Variants in CACNA1D observed in about 807,000 individuals in gnomAD.
The protein encoded by CACNA1D is calcium voltage-gated channel subunit alpha1 D, also known as voltage-dependent L-type calcium channel subunit alpha-1D.
A neutral mutation model predicts 257.1 loss-of-function variants in CACNA1D; 55 were observed. That is an observed-to-expected ratio of 0.21 (90% CI 0.17 to 0.27). CACNA1D has a LOEUF of 0.27. Among genes scored for constraint, CACNA1D ranks in the 10% least tolerant of loss-of-function variants. CACNA1D has a pLI of 1.00. For synonymous variants in CACNA1D, 980 were observed against 1,014.9 expected (o/e 0.97, Z 0.65); for missense variants, 1,876 against 2,784.0 (o/e 0.67, Z 7.34).
At position 53,704,665 on chromosome 3, in the gene CACNA1D, G is replaced by A. The variant is rs531019138; in HGVS notation, c.1390+1855G>A. On this transcript the variant is annotated intron_variant, in intron 9 of 47. Coordinates refer to ENST00000350061, the MANE Select transcript of CACNA1D (RefSeq NM_001128840.3). Reference sequence around the variant, plus strand: ...GGTGCAGCTTGGAGATGCCTGCACCGCTCTTTTCCCCTTCACTTGCAAACT... The same window carrying A: ...GGTGCAGCTTGGAGATGCCTGCACCACTCTTTTCCCCTTCACTTGCAAACT... Among the ~76,000 whole-genome samples the A allele has an allele frequency of 3.9e-5, 6 of 152,310 alleles. No individual in the cohort carries two copies. In the East Asian group the frequency reaches 7.7e-4, roughly 20 times the overall value.
Position 53,808,713 on chromosome 3 carries a change from G to T in CACNA1D, c.5814G>T (p.Pro1938=), listed in dbSNP as rs776968811. 2 of 1,609,172 alleles carry T rather than the reference G, an allele frequency of 1.2e-6. No homozygotes were observed. The highest frequency in any genetic ancestry group is 3.3e-5 in the Admixed American group (2 of 60,016). ...LRRQSSQEEV[P]SSPIFPHRTA... ...GGCAGAGCAGCCAGGAAGAGGTCCC[G>T]TCGTCTCCCATCTTCCCCCATCGCA... Residue 1938 remains proline (P), a synonymous_variant, in exon 46 of 48, where the codon CCG becomes CCT. Coordinates refer to ENST00000350061, the MANE Select transcript of CACNA1D (RefSeq NM_001128840.3).
At position 53,810,016 on chromosome 3, in the gene CACNA1D, G is replaced by T. The variant is rs780302456; in HGVS notation, c.5910G>T (p.Gln1970His). The T allele has an allele frequency of 6.2e-7, 1 of 1,614,064 alleles. No homozygotes were observed. Among genetic ancestry groups the T allele is most frequent in the East Asian group, 2.2e-5 (1 of 44,878 alleles). The change falls in exon 47 of 48, where the codon CAG becomes CAT. Residue 1970 changes from glutamine (Q) to histidine (H), a missense_variant. Gln to His is a conservative substitution (Grantham distance 24). This residue lies in a region of CACNA1D where 491 missense variants were observed against 554.3 expected (regional missense o/e 0.89). Transcript: ENST00000350061. The stretch of plus-strand genomic sequence containing the variant: ...CCGGCCTAGATTCAAGTAAAGCCCA[G>T]AAGTACTCACCGAGTCACTCGACCC... ...AVAGLDSSKAQKYSPSHSTRS... is the reference protein window; with the variant it reads ...AVAGLDSSKAHKYSPSHSTRS...
chr3:53,570,578 G>A (rs566454710), intron 3 of CACNA1D, among the ~76,000 whole-genome samples: 7 of 152,316 alleles, frequency 4.6e-5, no homozygotes, highest in Admixed American at 3.9e-4. Flanking sequence ...TATCTTGATT[G>A]TATCTTCTTA....
At chr3:53,764,626 G>A (rs1032056397) in intron 30 of CACNA1D, among the ~76,000 whole-genome samples, 1 of 152,200 alleles carries the variant, frequency 6.6e-6, no homozygotes, top group African/African-American at 2.4e-5. Context: ...GCACGCGCCC[G>A]GCTTCCTGGC....
chr3:53,527,046 A>G (rs1300896532), intron 3 of CACNA1D, among the ~76,000 whole-genome samples: 1 of 152,256 alleles, frequency 6.6e-6, no homozygotes, highest in Non-Finnish European at 1.5e-5. Flanking sequence ...TATAGCCCTC[A>G]CAGAATGTAT....
chr3:53,743,668 G>A (rs1337371975), intron 22 of CACNA1D, among the ~76,000 whole-genome samples: 3 of 152,320 alleles, frequency 2.0e-5, no homozygotes, highest in East Asian at 3.9e-4. Context: ...ATTTCTGGTG[G>A]GAACAGCCAT....
chr3:53,739,280 G>A (rs933684269), intron 20 of CACNA1D, among the ~76,000 whole-genome samples: 3 of 152,256 alleles, frequency 2.0e-5, no homozygotes, highest in African/African-American at 7.2e-5. Context: ...TTAGGCCTGG[G>A]TGGTCTCCAC....
At chr3:53,537,731 G>T (rs1011979688) in intron 3 of CACNA1D, among the ~76,000 whole-genome samples, 2 of 152,014 alleles carry the variant, frequency 1.3e-5, no homozygotes, top group Non-Finnish European at 2.9e-5. Context: ...TAATCTGTCT[G>T]TTCCCTCTGT....
rs151331959 is a variant in CACNA1D, at chr3:53,599,765, G to C, written c.484-51014G>C. On this transcript the variant is annotated intron_variant, in intron 3 of 47. Transcript: ENST00000350061. ...GAACCTCTCCTTATTCACTAGAAGA[G>C]TGTGAAAACTTAGTTTCCTCTCTGC... is the stretch of plus-strand genomic sequence containing the variant. Among the ~76,000 whole-genome samples, 837 of 152,266 alleles carry C rather than the reference G, an allele frequency of 5.5e-3. 11 individuals are homozygous for C. Among genetic ancestry groups the C allele is most frequent in the African/African-American group, 0.016 (662 of 41,548 alleles).
chr3:53,774,370 A>G lies in CACNA1D; in HGVS notation c.4111-217A>G. Reference sequence around the variant, plus strand: ...CCCCCAGGGGAGATCCGCGAATGTGAGACCGTGCCCCTCTGGAGCACCACG... The same window carrying G: ...CCCCCAGGGGAGATCCGCGAATGTGGGACCGTGCCCCTCTGGAGCACCACG... On this transcript the variant is annotated intron_variant, in intron 33 of 47. Coordinates refer to ENST00000350061, the MANE Select transcript of CACNA1D (RefSeq NM_001128840.3). The surrounding 1 kb of genome is among the most constrained non-coding windows in gnomAD (Gnocchi z 4.3). 1.8e-6 allele frequency: 1 copy of G among 548,494 alleles called. No individual in the cohort carries two copies. The highest frequency in any genetic ancestry group is 3.3e-6 in the Non-Finnish European group (1 of 304,994). The allele number at this position is 548,494 out of a possible 1,614,324, so 34.0% of individuals were successfully genotyped here. A position where few individuals can be genotyped will look rare whatever the true frequency, so the allele number is the denominator to read the frequency against.
At chr3:53,767,647 G>C (rs1416229039) in intron 30 of CACNA1D, among the ~76,000 whole-genome samples, 4 of 148,512 alleles carry the variant, frequency 2.7e-5, no homozygotes, top group Admixed American at 1.4e-4. Flanking sequence ...CCCTGGGGTG[G>C]GACCTGGGCT....
In CACNA1D at chr3:53,597,741, G is replaced by A. The variant is rs953933569; in HGVS notation, c.484-53038G>A. 6.6e-5 allele frequency among the ~76,000 whole-genome samples: 10 copies of A among 152,266 alleles called. No individual in the cohort carries two copies. The East Asian group carries it at 9.7e-4, about 15-fold the overall frequency. On this transcript the variant is annotated intron_variant, in intron 3 of 47. Coordinates refer to ENST00000350061, the MANE Select transcript of CACNA1D (RefSeq NM_001128840.3). ...GGCTTGTACAGGAGACACATGGGCC[G>A]GCCACTGTTTCCTGTCTCTCTGAGG... is the stretch of plus-strand genomic sequence containing the variant.
chr3:53,674,114 G>T, intron 8 of CACNA1D: 1 of 505,790 alleles, frequency 2.0e-6, no homozygotes, highest in Non-Finnish European at 3.6e-6. Context: ...TTCCAGCCTT[G>T]GTCTCCCCCA....
At chr3:53,695,795 C>G (rs1483174708) in intron 8 of CACNA1D, among the ~76,000 whole-genome samples, 1 of 152,194 alleles carries the variant, frequency 6.6e-6, no homozygotes, top group African/African-American at 2.4e-5. Flanking sequence ...GCACCATTTT[C>G]TTCTTATTTT....
intron 3 of CACNA1D, among the ~76,000 whole-genome samples, chr3:53,593,842 C>T (rs181812462): frequency 6.6e-6 from 1 of 152,172 alleles, no homozygotes; most frequent in Admixed American, 6.5e-5. Flanking sequence ...AAATGTGGCC[C>T]GTGTACTGCC....
intron 8 of CACNA1D, among the ~76,000 whole-genome samples, chr3:53,683,710 CAGT>C (rs78417143): frequency 0.19 from 28,927 of 151,992 alleles, 3,260 homozygotes; most frequent in East Asian, 0.41. Flanking sequence ...AGGTAAATCT[CAGT>C]AGGTAAATAG....
intron 3 of CACNA1D, among the ~76,000 whole-genome samples, chr3:53,509,831 G>C (rs899858501): frequency 6.6e-6 from 1 of 152,194 alleles, no homozygotes; most frequent in East Asian, 1.9e-4. Context: ...TCCTGTGTCC[G>C]TCAGGGATTC....
Position 53,802,151 on chromosome 3 carries a change from C to T in CACNA1D, c.5413C>T (p.Arg1805Cys), listed in dbSNP as rs376315757. 4.2e-5 allele frequency: 68 copies of T among 1,607,926 alleles called. No individual in the cohort carries two copies. The highest frequency in any genetic ancestry group is 1.1e-4 in the African/African-American group (8 of 74,808). ...TGTTATGCCTTTCCTGGATAGAACC[C>T]GCTATTATGAAACTTACATTAGGTA... ...PQRRSSVKRT[R>C]YYETYIRSDS... The change falls in exon 43 of 48, where the codon CGC (arginine) becomes TGC (cysteine). Residue 1805 changes from arginine (R) to cysteine (C), a missense_variant. Coordinates refer to ENST00000350061, the MANE Select transcript of CACNA1D (RefSeq NM_001128840.3).
chr3:53,749,095 G>A (rs1245094679), intron 26 of CACNA1D, 173 bp from the exon 27 acceptor site: 4 of 703,296 alleles, frequency 5.7e-6, no homozygotes, highest in Non-Finnish European at 1.0e-5. Context: ...AGTGCTGGCT[G>A]TTTGGGCCTG....
Sources: allele counts gnomAD v4.1 joint callset (sites outside exome capture counted in the v4.1 genomes callset), GRCh38; gene constraint gnomAD v4.1.1; regional missense constraint gnomAD v4.1.1; non-coding constraint Gnocchi (gnomAD v3.1); transcripts MANE v1.5; gene names NCBI Gene and HGNC (gene_info 2026-07-23, HGNC 2026-07-21).